KCNIP4: variants seen among roughly 807,000 people sequenced by gnomAD.
The protein encoded by KCNIP4 is Kv channel-interacting protein 4.
KCNIP4 carries 12 observed loss-of-function variants against 34.0 expected under a neutral mutation model. The ratio of observed to expected loss-of-function variants is 0.35; its 90% CI spans 0.23 to 0.57. The LOEUF is 0.57. Ranked by LOEUF, KCNIP4 falls within the 20% of genes least tolerant of loss-of-function variation. The probability of loss-of-function intolerance (pLI) is 0.83; values close to 1 mark genes in which losing one functional copy is unlikely to be tolerated. For synonymous variants in KCNIP4, 124 were observed against 102.2 expected (o/e 1.21, Z -1.29); for missense variants, 238 against 311.7 (o/e 0.76, Z 1.78).
intron 1 of KCNIP4, among the ~76,000 whole-genome samples, chr4:21,365,378 T>C (rs941142452): frequency 6.6e-6 from 1 of 151,640 alleles, no homozygotes; most frequent in Non-Finnish European, 1.5e-5. Flanking sequence ...CCAGCTACTC[T>C]GGAGGCTGAG....
At chr4:21,765,707 C>T (rs1718361986) in intron 1 of KCNIP4, among the ~76,000 whole-genome samples, 1 of 151,116 alleles carries the variant, frequency 6.6e-6, no homozygotes, top group South Asian at 2.1e-4. Flanking sequence ...CTCATGTGAT[C>T]CTCCCATCTC....
At chr4:21,399,067 T>C (rs1194424735) in intron 1 of KCNIP4, among the ~76,000 whole-genome samples, 1 of 152,260 alleles carries the variant, frequency 6.6e-6, no homozygotes, top group Non-Finnish European at 1.5e-5. Context: ...TTTTTCCTTT[T>C]GTTTCTATCA....
At chr4:21,053,228 G>A (rs941926226) in intron 1 of KCNIP4, among the ~76,000 whole-genome samples, 4 of 152,078 alleles carry the variant, frequency 2.6e-5, no homozygotes, top group African/African-American at 7.2e-5. Context: ...TTGATTAAAC[G>A]AGAAACTAAT....
intron 1 of KCNIP4, among the ~76,000 whole-genome samples, chr4:21,333,248 G>C (rs1715830813): frequency 6.6e-6 from 1 of 151,692 alleles, no homozygotes; most frequent in African/African-American, 2.4e-5. Flanking sequence ...TTCCCTCCTA[G>C]AGTATAAATT....
At position 21,751,602 on chromosome 4, in the gene KCNIP4, G is replaced by A. The variant is rs150173364; in HGVS notation, c.61+196969C>T. On this transcript the variant is annotated intron_variant, in intron 1 of 8. Transcript: ENST00000382152. Reference sequence around the variant, plus strand: ...GTACTATTCAGTTTCTTTTGTTTGCGTTTGAAATTTTCATAATAACAAGCT... The same window carrying A: ...GTACTATTCAGTTTCTTTTGTTTGCATTTGAAATTTTCATAATAACAAGCT... Among the ~76,000 whole-genome samples, 464 of 152,180 alleles carry A rather than the reference G, an allele frequency of 3.0e-3. 2 individuals carry two copies. Among genetic ancestry groups the A allele is most frequent in the African/African-American group, 0.01 (417 of 41,542 alleles).
At chr4:21,802,234 T>C (rs1302694149) in intron 1 of KCNIP4, among the ~76,000 whole-genome samples, 1 of 152,196 alleles carries the variant, frequency 6.6e-6, no homozygotes, top group Non-Finnish European at 1.5e-5. Context: ...TTTAGTGTTT[T>C]AATATTTAGT....
chr4:21,778,205 G>C (rs4496573), intron 1 of KCNIP4, among the ~76,000 whole-genome samples: 81,869 of 134,760 alleles, frequency 0.61, 26,007 homozygotes, highest in Non-Finnish European at 0.74. Flanking sequence ...ATTTTTATTT[G>C]TTTCTTTTTC....
rs1249086252 is a variant in KCNIP4 at position 21,757,186 on chromosome 4, G to A, written c.61+191385C>T. Reference sequence around the variant, plus strand: ...AAGAAAGAAGGAAGGAAGGAAGGAAGGAAGGAAGGAAGGAAAGAAAGAAAG... The same window carrying A: ...AAGAAAGAAGGAAGGAAGGAAGGAAAGAAGGAAGGAAGGAAAGAAAGAAAG... On this transcript the variant is annotated intron_variant, in intron 1 of 8. Transcript: ENST00000382152. Among the ~76,000 whole-genome samples the A allele has an allele frequency of 7.3e-3, 214 of 29,352 alleles. 1 individual carries two copies. Among genetic ancestry groups the A allele is most frequent in the Admixed American group, 0.019 (49 of 2,648 alleles). The allele number at this position is 29,352 out of a possible 152,430, so 19.3% of individuals were successfully genotyped here. A position where few individuals can be genotyped will look rare whatever the true frequency, so the allele number is the denominator to read the frequency against.
intron 1 of KCNIP4, among the ~76,000 whole-genome samples, chr4:21,610,712 G>A (rs1055020832): frequency 8.5e-5 from 13 of 152,094 alleles, no homozygotes; most frequent in African/African-American, 2.2e-4. Flanking sequence ...AGAAAAACCC[G>A]AGACTGGGTA....
intron 1 of KCNIP4, among the ~76,000 whole-genome samples, chr4:21,926,707 G>A (rs1428942272): frequency 6.6e-6 from 1 of 152,098 alleles, no homozygotes; most frequent in Non-Finnish European, 1.5e-5. Flanking sequence ...CCAAAGCTGT[G>A]CTCTTCAAAC....
intron 1 of KCNIP4, among the ~76,000 whole-genome samples, chr4:21,234,901 G>A (rs1759240263): frequency 6.6e-6 from 1 of 151,818 alleles, no homozygotes; most frequent in Admixed American, 6.6e-5. Flanking sequence ...ACCCGCCTCG[G>A]CCTCCCAAAG....
chr4:20,883,235 A>G (rs899163756), intron 1 of KCNIP4, among the ~76,000 whole-genome samples: 1 of 152,170 alleles, frequency 6.6e-6, no homozygotes, highest in African/African-American at 2.4e-5. Flanking sequence ...GAGAAAATAA[A>G]TGTCCTTAAT....
chr4:20,743,009 G>A (rs1288922549), intron 5 of KCNIP4, among the ~76,000 whole-genome samples: 2 of 151,140 alleles, frequency 1.3e-5, no homozygotes, highest in Non-Finnish European at 2.9e-5. Context: ...ACTTATATGG[G>A]ATGTGAAGGA....
At chr4:21,063,183 T>C (rs894177947) in intron 1 of KCNIP4, among the ~76,000 whole-genome samples, 8 of 152,162 alleles carry the variant, frequency 5.3e-5, no homozygotes, top group African/African-American at 1.9e-4. Flanking sequence ...CTGACTCTAC[T>C]GACACCTTGA....
intron 1 of KCNIP4, among the ~76,000 whole-genome samples, chr4:21,520,567 G>A (rs1735437508): frequency 6.6e-6 from 1 of 152,094 alleles, no homozygotes; most frequent in South Asian, 2.1e-4. Flanking sequence ...TATTTTCTGT[G>A]GGGGTATCTA....
chr4:20,913,663 A>G (rs1408444319), intron 1 of KCNIP4, among the ~76,000 whole-genome samples: 1 of 152,170 alleles, frequency 6.6e-6, no homozygotes, highest in Non-Finnish European at 1.5e-5. Context: ...TCATAGTTCT[A>G]GGCGATTTAG....
chr4:21,424,431 G>A (rs989867726), intron 1 of KCNIP4, among the ~76,000 whole-genome samples: 4 of 151,880 alleles, frequency 2.6e-5, no homozygotes, highest in Non-Finnish European at 5.9e-5. Flanking sequence ...CATTAGCCAG[G>A]CATGGTGGCA....
chr4:21,714,149 C>A (rs183846841), intron 1 of KCNIP4, among the ~76,000 whole-genome samples: 2 of 152,140 alleles, frequency 1.3e-5, no homozygotes, highest in African/African-American at 4.8e-5. Context: ...AGATGGTAGT[C>A]CCCTTTGACA....
intron 1 of KCNIP4, among the ~76,000 whole-genome samples, chr4:21,334,894 T>C (rs1232490603): frequency 6.6e-6 from 1 of 152,170 alleles, no homozygotes; most frequent in African/African-American, 2.4e-5. Context: ...ATTGTTTTGA[T>C]CAATCACCAG....
Sources: allele counts gnomAD v4.1 joint callset (sites outside exome capture counted in the v4.1 genomes callset), GRCh38; gene constraint gnomAD v4.1.1; transcripts MANE v1.5; gene names NCBI Gene and HGNC (gene_info 2026-07-23, HGNC 2026-07-21).